The following LRRC23 variants were observed in gnomAD, a reference collection of about 807,000 sequenced individuals.
LRRC23 encodes the protein leucine rich repeat containing 23, also known as leucine-rich repeat-containing protein 23.
Under a neutral mutation model 37.7 loss-of-function variants are expected in LRRC23, and 28 were observed. That is an observed-to-expected ratio of 0.74 (90% CI 0.55 to 1.02). The LOEUF (loss-of-function observed/expected upper bound fraction) is 1.02. LRRC23 is among the 50% of genes least tolerant of loss of function. The pLI is 0.00. For synonymous variants in LRRC23, 161 were observed against 165.4 expected (o/e 0.97, Z 0.20); for missense variants, 377 against 413.2 (o/e 0.91, Z 0.76).
rs1157064258 is a variant in LRRC23 at position 6,906,628 on chromosome 12, C to A, written c.456C>A (p.Ile152=). The A allele has an allele frequency of 6.2e-7, 1 of 1,614,210 alleles. No homozygotes were observed. Among genetic ancestry groups the A allele is most frequent in the African/African-American group, 1.3e-5 (1 of 75,064 alleles). The stretch of plus-strand genomic sequence containing the variant: ...ACCAGATTACTGACACTGAAGGCAT[C>A]TCTCATCCTCGTCTTGAAACCCTGA... ...AYNQITDTEG[I]SHPRLETLNL... The change falls in exon 4 of 8, where the codon ATC becomes ATA. Residue 152 remains isoleucine, a synonymous_variant. Transcript: ENST00000443597.
In LRRC23 at chr12:6,912,875, C is replaced by A. The variant is rs549215304; in HGVS notation, c.904C>A (p.Leu302Met). ...ALVQMPYLER[L>M]DKEFYEEEER... The stretch of plus-strand genomic sequence containing the variant: ...GGTGCAGATGCCATACCTTGAACGC[C>A]TGGACAAGGAATTCTATGAGGAGGA... Residue 302 changes from leucine (L) to methionine (M), a missense_variant, in exon 7 of 8, where the codon CTG becomes ATG. This residue lies in a region of LRRC23 where 266 missense variants were observed against 285.6 expected (regional missense o/e 0.93). Transcript: ENST00000443597. The A allele has an allele frequency of 1.9e-6, 3 of 1,614,118 alleles. No individual in the cohort carries two copies. Among genetic ancestry groups the A allele is most frequent in the Middle Eastern group, 1.6e-4 (1 of 6,062 alleles).
rs782449749 is a variant in LRRC23 at position 6,912,806 on chromosome 12, G to A, written c.835G>A (p.Asp279Asn). ...CAAGCTGCGAGCGTTGGTGCTGCTT[G>A]ATAACCCATGCACGGACGAAACCAG... ...LPKLRALVLL[D>N]NPCTDETSYR... The change falls in exon 7 of 8, where the codon GAT becomes AAT. Residue 279 changes from aspartate to asparagine, a missense_variant. This residue lies in a region of LRRC23 where 266 missense variants were observed against 285.6 expected (regional missense o/e 0.93). Transcript: ENST00000443597. 6.2e-7 allele frequency: 1 copy of A among 1,614,060 alleles called. No homozygotes were observed. The highest frequency in any genetic ancestry group is 1.7e-5 in the Admixed American group (1 of 60,002).
chr12:6,907,255 C>A, intron 4 of LRRC23, 60 bp from the exon 5 acceptor site: 2 of 1,594,802 alleles, frequency 1.3e-6, no homozygotes, highest in Non-Finnish European at 1.7e-6. Flanking sequence ...TCCCCAAATT[C>A]AGGCTCTAAT....
chr12:6,913,082 G>A (rs782051098), intron 7 of LRRC23, 55 bp downstream of exon 7: 32 of 1,558,536 alleles, frequency 2.1e-5, no homozygotes, highest in African/African-American at 5.5e-5. Flanking sequence ...GGCAGGTAGG[G>A]GAAGAGGCAA....
chr12:6,910,457 C>G (rs1464428935), intron 6 of LRRC23, among the ~76,000 whole-genome samples: 3 of 152,054 alleles, frequency 2.0e-5, no homozygotes, highest in Non-Finnish European at 4.4e-5. Flanking sequence ...ACCTGTAGTT[C>G]TAGCACTTTG....
At position 6,914,128 on chromosome 12, in the gene LRRC23, G is replaced by C; in HGVS notation, c.*262G>C. 2 of 1,484,506 alleles carry C rather than the reference G, an allele frequency of 1.3e-6. No homozygotes were observed. Among genetic ancestry groups the C allele is most frequent in the Non-Finnish European group, 1.8e-6 (2 of 1,115,068 alleles). 92.0% of individuals were successfully genotyped at this position (1,484,506 alleles called of 1,614,324 possible). ...GCCGCCCTCGGGCAGGCGTGGGTGAGAGCCAAGACCGCGTGGGCCGCGGGG... is the reference window on the plus strand; with the variant it reads ...GCCGCCCTCGGGCAGGCGTGGGTGACAGCCAAGACCGCGTGGGCCGCGGGG... On this transcript the variant is annotated 3_prime_UTR_variant, in exon 8 of 8. Transcript: ENST00000443597. This position sits in a 1 kb window ranked among gnomAD's most constrained non-coding sequence, Gnocchi z 7.1.
chr12:6,912,140 A>G (rs959099759), intron 6 of LRRC23, among the ~76,000 whole-genome samples: 9 of 152,046 alleles, frequency 5.9e-5, no homozygotes, highest in Non-Finnish European at 1.3e-4. Context: ...AGCATCCACC[A>G]CCCTAAACTC....
At chr12:6,908,596 CAAAAA>C (rs61662814) in intron 5 of LRRC23, among the ~76,000 whole-genome samples, 56 of 31,082 alleles carry the variant, frequency 1.8e-3, no homozygotes, top group African/African-American at 5.2e-3. Flanking sequence ...GACTCCATCT[CAAAAA>C]AAAAAAAAAA....
rs920170694 is a variant in LRRC23 at position 6,913,206 on chromosome 12, A to T, written c.*24+179A>T. 22 of 626,582 alleles carry T rather than the reference A, an allele frequency of 3.5e-5. No individual in the cohort carries two copies. In the East Asian group the frequency reaches 6.2e-4, roughly 18 times the overall value. 38.8% of individuals were successfully genotyped at this position (626,582 alleles called of 1,614,324 possible). The stretch of plus-strand genomic sequence containing the variant: ...GGAAAAGGGACCCAAGGGGCCTGGG[A>T]CCAGCTGAGAAAGACTTAGGAGGCC... On this transcript the variant is annotated intron_variant, in intron 7 of 7. Transcript: ENST00000443597.
chr12:6,906,393 C>T lies in LRRC23; in HGVS notation c.237-16C>T. The T allele has an allele frequency of 6.2e-7, 1 of 1,611,146 alleles. No homozygotes were observed. The highest frequency in any genetic ancestry group is 8.5e-7 in the Non-Finnish European group (1 of 1,178,770). ...TAACCCTAAACCTGGTTTCTTCTCCCTCTTCCATCTCCTAGGGACCTGACA... is the reference window on the plus strand; with the variant it reads ...TAACCCTAAACCTGGTTTCTTCTCCTTCTTCCATCTCCTAGGGACCTGACA... On this transcript the variant is annotated splice_polypyrimidine_tract_variant and intron_variant, in intron 3 of 7. Transcript: ENST00000443597.
rs186695197 is a variant in LRRC23, at chr12:6,905,568, G to A, written c.-49-17G>A. On this transcript the variant is annotated splice_polypyrimidine_tract_variant and intron_variant, in intron 1 of 7. Transcript: ENST00000443597. ...GAGCTGAAGGCTGGCAGAAGCTGAT[G>A]AGACCTTCTTTTTCAGGAGGAGGAC... 1.6e-3 allele frequency: 2,473 copies of A among 1,558,154 alleles called. 7 individuals carry two copies. The highest frequency in any genetic ancestry group is 4.7e-3 in the Middle Eastern group (28 of 5,896).
rs1342829603 is a variant in LRRC23, at chr12:6,913,000, C to G, written c.1029C>G (p.Ile343Met). The G allele has an allele frequency of 6.2e-7, 1 of 1,613,882 alleles. No homozygotes were observed. Among genetic ancestry groups the G allele is most frequent in the African/African-American group, 1.3e-5 (1 of 74,852 alleles). The change falls in exon 7 of 8, where the codon ATC (isoleucine) becomes ATG (methionine). Residue 343 changes from isoleucine to methionine, a missense_variant. By Grantham distance (10) the Ile-to-Met change is conservative. Around this residue, in one of 3 missense-constraint regions of LRRC23, gnomAD observed 266 missense variants for 285.6 expected, o/e 0.93. Coordinates refer to ENST00000443597, the MANE Select transcript of LRRC23 (RefSeq NM_001135217.2). ...ACCTGGAACCCGAACAGTCATTGAT[C>G]TAGCAGCAGTTCTAGCCTCTAAAGA... ...QRDLEPEQSL[I>M] is the part of the protein sequence containing the mutation.
In LRRC23 at chr12:6,905,893, C is replaced by T. The variant is rs782662258; in HGVS notation, c.175C>T (p.Leu59=). Residue 59 remains leucine (L), a synonymous_variant, in exon 3 of 8, where the codon CTG becomes TTG. Transcript: ENST00000443597. ...GGACATGATGAAGGAAGGGCTTTCT[C>T]TGCTCTGTAAGACAGGCAATGGGCT... ...TEDMMKEGLS[L]LCKTGNGLAH... The T allele has an allele frequency of 1.2e-6, 2 of 1,613,928 alleles. No homozygotes were observed. Among genetic ancestry groups the T allele is most frequent in the Admixed American group, 3.3e-5 (2 of 59,984 alleles).
intron 5 of LRRC23, among the ~76,000 whole-genome samples, chr12:6,908,888 C>T (rs1945025635): frequency 7.0e-6 from 1 of 142,614 alleles, no homozygotes; most frequent in Non-Finnish European, 1.5e-5. Context: ...AGCGCTTTCT[C>T]TTGGAGCAGG....
chr12:6,906,267 C>T (rs781957947), intron 3 of LRRC23, 142 bp from the exon 4 acceptor site: 10 of 825,556 alleles, frequency 1.2e-5, no homozygotes, highest in African/African-American at 1.0e-4. Context: ...TTCTCTTACC[C>T]TTCTTCTCCC....
rs782648045 is a variant in LRRC23 at position 6,909,969 on chromosome 12, T to C, written c.701T>C (p.Ile234Thr). 85 of 1,613,804 alleles carry C rather than the reference T, an allele frequency of 5.3e-5. No individual in the cohort carries two copies. Among genetic ancestry groups the C allele is most frequent in the Non-Finnish European group, 7.0e-5 (83 of 1,179,970 alleles). ...LTTLHLRDNQIDTLSGFSREM... is the reference protein window; with the variant it reads ...LTTLHLRDNQTDTLSGFSREM... ...ACCTTGCATCTTCGAGACAACCAGA[T>C]TGACACCCTGAGTGGCTTCTCCAGA... The change falls in exon 6 of 8, where the codon ATT becomes ACT. Residue 234 changes from isoleucine to threonine, a missense_variant. Coordinates refer to ENST00000443597, the MANE Select transcript of LRRC23 (RefSeq NM_001135217.2).
At position 6,905,639 on chromosome 12, in the gene LRRC23, A is replaced by T. The variant is rs1374919074; in HGVS notation, c.6A>T (p.Ser2=). The T allele has an allele frequency of 1.2e-6, 2 of 1,613,776 alleles. No individual in the cohort carries two copies. Among genetic ancestry groups the T allele is most frequent in the Admixed American group, 3.3e-5 (2 of 59,982 alleles). Residue 2 remains serine (S), a synonymous_variant, in exon 2 of 8, where the codon TCA becomes TCT. Transcript: ENST00000443597. M[S]DEDDLEDSEP... is the part of the protein sequence containing the mutation. ...GCTTTCAGGAGGGAAGAAAGATGTC[A>T]GATGAAGATGATCTAGAAGACTCTG...
In LRRC23 at chr12:6,909,884, G is replaced by C; in HGVS notation, c.622-6G>C. The C allele has an allele frequency of 6.8e-6, 11 of 1,609,704 alleles. No homozygotes were observed. The highest frequency in any genetic ancestry group is 9.3e-6 in the Non-Finnish European group (11 of 1,177,748). ...TCAATCAATCCACTGTGCCCTGGGG[G>C]TCTAGGCCCAAAACATGCTGAAGAA... On this transcript the variant is annotated splice_polypyrimidine_tract_variant and splice_region_variant and intron_variant, in intron 5 of 7. Transcript: ENST00000443597.
intron 5 of LRRC23, 136 bp downstream of exon 5, chr12:6,907,581 G>C: frequency 1.1e-6 from 1 of 928,152 alleles, no homozygotes; most frequent in Non-Finnish European, 1.7e-6. Flanking sequence ...ACCATAGTTG[G>C]TTCCAGATGC....
Sources: allele counts gnomAD v4.1 joint callset (sites outside exome capture counted in the v4.1 genomes callset), GRCh38; gene constraint gnomAD v4.1.1; regional missense constraint gnomAD v4.1.1; non-coding constraint Gnocchi (gnomAD v3.1); transcripts MANE v1.5; gene names NCBI Gene and HGNC (gene_info 2026-07-23, HGNC 2026-07-21).